Variants in GTF2H1 observed in about 807,000 individuals in gnomAD.
GTF2H1 encodes general transcription factor IIH subunit 1.
A neutral mutation model predicts 71.2 loss-of-function variants in GTF2H1; 16 were observed. The observed-to-expected ratio is 0.22, with a 90% CI of 0.15 to 0.34. The LOEUF (loss-of-function observed/expected upper bound fraction) is 0.34, where lower values mean the gene tolerates loss of function less well. Ranked by LOEUF, GTF2H1 falls within the 10% of genes least tolerant of loss-of-function variation. The pLI is 1.00. For synonymous variants in GTF2H1, 215 were observed against 219.0 expected (o/e 0.98, Z 0.16); for missense variants, 498 against 648.2 (o/e 0.77, Z 2.52).
At position 18,341,473 on chromosome 11, in the gene GTF2H1, T is replaced by A. The variant is rs1865154416; in HGVS notation, c.758-55T>A. 5 of 1,602,012 alleles carry A rather than the reference T, an allele frequency of 3.1e-6. No individual in the cohort carries two copies. In the Admixed American group the frequency reaches 5.1e-5, roughly 16 times the overall value. On this transcript the variant is annotated intron_variant, in intron 6 of 14. Transcript: ENST00000265963. ...TGCCACCCTCTAGACATTATAAGTG[T>A]TAATTTCTGAGACAGATAAGACATG...
At position 18,366,985 on chromosome 11, in the gene GTF2H1, T is replaced by A. The variant is rs1231002444; in HGVS notation, c.*1116T>A. 1.3e-5 allele frequency: 2 copies of A among 152,056 alleles called. No homozygotes were observed. Among genetic ancestry groups the A allele is most frequent in the African/African-American group, 4.8e-5 (2 of 41,408 alleles). The allele number at this position is 152,056 out of a possible 1,614,324, so 9.4% of individuals were successfully genotyped here. Reference sequence around the variant, plus strand: ...AACTTAATGTTTAAGACTTTAGATGTCTTGTATTAAAAATTACACAAAAAA... The same window carrying A: ...AACTTAATGTTTAAGACTTTAGATGACTTGTATTAAAAATTACACAAAAAA... On this transcript the variant is annotated 3_prime_UTR_variant, in exon 15 of 15. Transcript: ENST00000265963.
chr11:18,360,740 C>T lies in GTF2H1; in HGVS notation c.1560+33C>T. The T allele has an allele frequency of 5.6e-6, 6 of 1,078,734 alleles. No individual in the cohort carries two copies. The South Asian group carries it at 7.2e-5, about 13-fold the overall frequency. 66.8% of individuals were successfully genotyped at this position (1,078,734 alleles called of 1,614,324 possible). ...AGCAATCTGATTTTTGCCTGATCTTCTTTCTCTTTGTAGTAAAATGATGAA... is the reference window on the plus strand; with the variant it reads ...AGCAATCTGATTTTTGCCTGATCTTTTTTCTCTTTGTAGTAAAATGATGAA... On this transcript the variant is annotated intron_variant, in intron 14 of 14. Coordinates refer to ENST00000265963, the MANE Select transcript of GTF2H1 (RefSeq NM_005316.4).
At chr11:18,347,751 T>C (rs1367415934) in intron 8 of GTF2H1, 36 bp downstream of exon 8, 5 of 1,605,594 alleles carry the variant, frequency 3.1e-6, no homozygotes, top group Non-Finnish European at 2.6e-6. Context: ...TAACTGGGCT[T>C]TTCAGGATAT....
chr11:18,323,934 G>A (rs1238638506), intron 1 of GTF2H1, among the ~76,000 whole-genome samples: 1 of 152,188 alleles, frequency 6.6e-6, no homozygotes, highest in Non-Finnish European at 1.5e-5. Context: ...TCTAGTAGCA[G>A]GCCTTGGACT....
At chr11:18,350,813 A>G (rs1423581862) in intron 9 of GTF2H1, among the ~76,000 whole-genome samples, 1 of 152,202 alleles carries the variant, frequency 6.6e-6, no homozygotes, top group Non-Finnish European at 1.5e-5. Flanking sequence ...GTTTACATAG[A>G]TCATGTATCT....
At chr11:18,346,931 G>A (rs1034193078) in intron 7 of GTF2H1, among the ~76,000 whole-genome samples, 10 of 150,060 alleles carry the variant, frequency 6.7e-5, no homozygotes, top group African/African-American at 2.0e-4. Context: ...ATAGAGATGA[G>A]GTTTCACCAT....
At chr11:18,324,217 A>T (rs1864698987) in intron 1 of GTF2H1, 1 of 152,218 alleles carries the variant, frequency 6.6e-6, no homozygotes, top group African/African-American at 2.4e-5. Context: ...TGCCTGGCTA[A>T]TTTTTGTATT....
intron 4 of GTF2H1, 29 bp from the exon 5 acceptor site, chr11:18,339,535 C>T (rs374575165): frequency 2.2e-5 from 32 of 1,479,356 alleles, no homozygotes; most frequent in African/African-American, 2.8e-5. Context: ...GATGCTCTAA[C>T]GTGTATGTGT....
chr11:18,345,207 A>G (rs1865261797), intron 7 of GTF2H1, among the ~76,000 whole-genome samples: 1 of 152,088 alleles, frequency 6.6e-6, no homozygotes, highest in Non-Finnish European at 1.5e-5. Flanking sequence ...AAATAAAAAT[A>G]TAAATTTAAA....
In GTF2H1 at chr11:18,367,042, C is replaced by CT. The variant is rs1177989499; in HGVS notation, c.*1174dup. ...ACTTTTTATACTTACCCTTTTAACTCTAACACATCTCTGGTTTCTCATTAT... is the reference window on the plus strand; with the variant it reads ...ACTTTTTATACTTACCCTTTTAACTCTTAACACATCTCTGGTTTCTCATTAT... On this transcript the variant is annotated 3_prime_UTR_variant, in exon 15 of 15. Transcript: ENST00000265963. The CT allele has an allele frequency of 2.6e-5, 4 of 152,116 alleles. No homozygotes were observed. The highest frequency in any genetic ancestry group is 2.9e-5 in the Non-Finnish European group (2 of 68,030). 9.4% of individuals were successfully genotyped at this position (152,116 alleles called of 1,614,324 possible). A position where few individuals can be genotyped will look rare whatever the true frequency, so the allele number is the denominator to read the frequency against.
chr11:18,341,556 G>C lies in GTF2H1; in HGVS notation c.786G>C (p.Val262=), dbSNP rs1046185731. The part of the protein sequence containing the change: ...KGLKTMVSLG[V]KNPLLDLTAL... ...TAAAAACAATGGTTTCATTAGGAGTGAAAAACCCACTACTAGATTTAACAG... is the reference window on the plus strand; with the variant it reads ...TAAAAACAATGGTTTCATTAGGAGTCAAAAACCCACTACTAGATTTAACAG... Residue 262 remains valine (V), a synonymous_variant, in exon 7 of 15, where the codon GTG becomes GTC. Coordinates refer to ENST00000265963, the MANE Select transcript of GTF2H1 (RefSeq NM_005316.4). 4 of 1,611,526 alleles carry C rather than the reference G, an allele frequency of 2.5e-6. No individual in the cohort carries two copies. The highest frequency in any genetic ancestry group is 3.4e-6 in the Non-Finnish European group (4 of 1,178,518).
intron 1 of GTF2H1, among the ~76,000 whole-genome samples, chr11:18,330,408 G>A (rs752923484): frequency 4.6e-5 from 7 of 152,176 alleles, no homozygotes; most frequent in Non-Finnish European, 8.8e-5. Context: ...ATTAGCAAGC[G>A]GAGAGCTGAC....
intron 1 of GTF2H1, among the ~76,000 whole-genome samples, chr11:18,324,787 T>C (rs1019445421): frequency 6.6e-6 from 1 of 152,356 alleles, no homozygotes; most frequent in Admixed American, 6.5e-5. Flanking sequence ...TTTGGTAATA[T>C]ACTCTTGTCA....
intron 11 of GTF2H1, among the ~76,000 whole-genome samples, chr11:18,353,869 T>G (rs1175180633): frequency 6.6e-6 from 1 of 152,230 alleles, no homozygotes; most frequent in Admixed American, 6.5e-5. Flanking sequence ...GACATTCTCT[T>G]AAATAACAGT....
intron 1 of GTF2H1, among the ~76,000 whole-genome samples, chr11:18,329,693 T>G (rs1864849671): frequency 1.3e-5 from 2 of 152,200 alleles, no homozygotes; most frequent in Non-Finnish European, 2.9e-5. Context: ...GATTACTCAT[T>G]CCTAGAGAGT....
At chr11:18,353,355 A>AC (rs1865470802) in intron 11 of GTF2H1, among the ~76,000 whole-genome samples, 1 of 152,200 alleles carries the variant, frequency 6.6e-6, no homozygotes, top group African/African-American at 2.4e-5. Context: ...AAAACTCTTT[A>AC]TAGTCTGGCC....
intron 14 of GTF2H1, among the ~76,000 whole-genome samples, chr11:18,362,668 C>CTTTTTT (rs35306497): frequency 2.6e-3 from 285 of 107,806 alleles, no homozygotes; most frequent in Middle Eastern, 4.6e-3. Flanking sequence ...TTTTCTTTTT[C>CTTTTTT]TTTTTTTTTT....
At chr11:18,327,928 G>T (rs1483198639) in intron 1 of GTF2H1, among the ~76,000 whole-genome samples, 1 of 152,188 alleles carries the variant, frequency 6.6e-6, no homozygotes, top group Non-Finnish European at 1.5e-5. Context: ...TATGGGGCAG[G>T]CCGGGTGTAG....
intron 7 of GTF2H1, among the ~76,000 whole-genome samples, chr11:18,343,174 G>T (rs553049903): frequency 6.6e-6 from 1 of 152,160 alleles, no homozygotes; most frequent in African/African-American, 2.4e-5. Context: ...CACCCACCTC[G>T]GCCTCCCAAA....
Sources: allele counts gnomAD v4.1 joint callset (sites outside exome capture counted in the v4.1 genomes callset), GRCh38; gene constraint gnomAD v4.1.1; transcripts MANE v1.5; gene names NCBI Gene and HGNC (gene_info 2026-07-23, HGNC 2026-07-21).